The following ST6GALNAC3 variants were observed in gnomAD, a reference collection of about 807,000 sequenced individuals.
ST6GALNAC3 encodes the protein alpha-N-acetylgalactosaminide alpha-2,6-sialyltransferase 3.
In ST6GALNAC3, 25 loss-of-function variants were observed where a neutral mutation model predicts 32.7. That is an observed-to-expected ratio of 0.76 (90% CI 0.56 to 1.07). The LOEUF (loss-of-function observed/expected upper bound fraction) is 1.07. Ranked by LOEUF, ST6GALNAC3 falls within the 50% of genes least tolerant of loss-of-function variation. The probability of loss-of-function intolerance (pLI) is 0.00; values close to 1 mark genes in which losing one functional copy is unlikely to be tolerated. For missense variants in ST6GALNAC3, 355 were observed against 382.4 expected (o/e 0.93, Z 0.60); for synonymous variants, 129 against 133.1 (o/e 0.97, Z 0.21).
chr1:76,146,259 T>A (rs950155283), intron 1 of ST6GALNAC3, among the ~76,000 whole-genome samples: 1 of 152,230 alleles, frequency 6.6e-6, no homozygotes, highest in Admixed American at 6.5e-5. Context: ...CAGGATTGAT[T>A]GCAGGGGTGA....
At chr1:76,479,284 T>A (rs1659571291) in intron 3 of ST6GALNAC3, among the ~76,000 whole-genome samples, 1 of 152,142 alleles carries the variant, frequency 6.6e-6, no homozygotes, top group Non-Finnish European at 1.5e-5. Flanking sequence ...TCCTCAAACC[T>A]CACATAGCCT....
intron 2 of ST6GALNAC3, among the ~76,000 whole-genome samples, chr1:76,345,948 A>G (rs1387106661): frequency 6.6e-6 from 1 of 151,850 alleles, no homozygotes. Context: ...TCTCCCTTAC[A>G]TCCTGTGGGG....
intron 1 of ST6GALNAC3, among the ~76,000 whole-genome samples, chr1:76,108,466 C>G (rs1006284427): frequency 1.3e-5 from 2 of 152,200 alleles, no homozygotes; most frequent in Non-Finnish European, 2.9e-5. Flanking sequence ...ACATTCTAAT[C>G]TCCAAATCAA....
intron 1 of ST6GALNAC3, among the ~76,000 whole-genome samples, chr1:76,153,033 T>C (rs1377878961): frequency 6.6e-6 from 1 of 152,182 alleles, no homozygotes; most frequent in Non-Finnish European, 1.5e-5. Context: ...TATGCACGTT[T>C]TGAAGATATT....
chr1:76,322,556 T>C (rs1327980010), intron 2 of ST6GALNAC3, among the ~76,000 whole-genome samples: 2 of 152,184 alleles, frequency 1.3e-5, no homozygotes, highest in Admixed American at 1.3e-4. Context: ...AACATTCAAG[T>C]AATTTCAATT....
intron 3 of ST6GALNAC3, among the ~76,000 whole-genome samples, chr1:76,610,479 G>T (rs962812454): frequency 2.0e-5 from 3 of 152,122 alleles, no homozygotes; most frequent in African/African-American, 7.2e-5. Flanking sequence ...CCAGGCAGGA[G>T]AACCAAACTT....
chr1:76,540,011 T>C (rs964191275), intron 3 of ST6GALNAC3, among the ~76,000 whole-genome samples: 6 of 152,190 alleles, frequency 3.9e-5, no homozygotes, highest in Admixed American at 3.9e-4. Context: ...ACTGCGTATG[T>C]ATCCAAAGGA....
intron 2 of ST6GALNAC3, among the ~76,000 whole-genome samples, chr1:76,364,671 G>T (rs1382047792): frequency 6.6e-6 from 1 of 151,550 alleles, no homozygotes; most frequent in Non-Finnish European, 1.5e-5. Context: ...GCAGGCAAAA[G>T]ACATGAAAAG....
intron 2 of ST6GALNAC3, among the ~76,000 whole-genome samples, chr1:76,375,997 A>G (rs1256711065): frequency 6.6e-6 from 1 of 152,182 alleles, no homozygotes; most frequent in Admixed American, 6.5e-5. Flanking sequence ...ACATGTATGA[A>G]AATACTACAG....
chr1:76,145,987 T>A (rs1650657978), intron 1 of ST6GALNAC3, among the ~76,000 whole-genome samples: 1 of 152,236 alleles, frequency 6.6e-6, no homozygotes, highest in Non-Finnish European at 1.5e-5. Context: ...CACAAATGGC[T>A]TACTAGGTCT....
intron 2 of ST6GALNAC3, among the ~76,000 whole-genome samples, chr1:76,321,877 T>A (rs537830426): frequency 6.6e-6 from 1 of 152,302 alleles, no homozygotes; most frequent in South Asian, 2.1e-4. Context: ...TAGATGAAAA[T>A]TTCTCTATTG....
At chr1:76,546,949 C>A (rs540205754) in intron 3 of ST6GALNAC3, among the ~76,000 whole-genome samples, 1 of 152,008 alleles carries the variant, frequency 6.6e-6, no homozygotes, top group African/African-American at 2.4e-5. Flanking sequence ...AGGAAGGATG[C>A]GGATGAAAGA....
intron 1 of ST6GALNAC3, among the ~76,000 whole-genome samples, chr1:76,133,501 T>C (rs2100237972): frequency 1.3e-5 from 2 of 152,328 alleles, no homozygotes; most frequent in Admixed American, 1.3e-4. Flanking sequence ...TATGACCCAT[T>C]GGCCCAAGTC....
At chr1:76,376,653 T>C (rs1387757837) in intron 2 of ST6GALNAC3, among the ~76,000 whole-genome samples, 1 of 152,248 alleles carries the variant, frequency 6.6e-6, no homozygotes, top group African/African-American at 2.4e-5. Flanking sequence ...GAAGGGCATG[T>C]TGTTGGATTG....
intron 1 of ST6GALNAC3, among the ~76,000 whole-genome samples, chr1:76,193,732 C>G (rs955901754): frequency 2.0e-5 from 3 of 152,172 alleles, no homozygotes; most frequent in African/African-American, 7.2e-5. Context: ...ATACCATAGA[C>G]TAGGTGGCTT....
intron 1 of ST6GALNAC3, among the ~76,000 whole-genome samples, chr1:76,090,029 C>T (rs1200702821): frequency 2.0e-5 from 3 of 152,138 alleles, no homozygotes; most frequent in African/African-American, 7.2e-5. Flanking sequence ...TATTTATATA[C>T]ACCTAGAAGT....
chr1:76,170,964 A>G (rs1416230808), intron 1 of ST6GALNAC3, among the ~76,000 whole-genome samples: 2 of 152,222 alleles, frequency 1.3e-5, no homozygotes, highest in African/African-American at 4.8e-5. Context: ...AGTATTTCTT[A>G]CAGTAGAGGA....
chr1:76,219,589 C>T (rs926594123), intron 1 of ST6GALNAC3, among the ~76,000 whole-genome samples: 1 of 152,216 alleles, frequency 6.6e-6, no homozygotes, highest in African/African-American at 2.4e-5. Flanking sequence ...AGAACCATCA[C>T]ATGGCGATTT....
At chr1:76,599,654 G>A (rs1030595368) in intron 3 of ST6GALNAC3, among the ~76,000 whole-genome samples, 1 of 151,514 alleles carries the variant, frequency 6.6e-6, no homozygotes, top group African/African-American at 2.4e-5. Context: ...GAAATACCTG[G>A]AATATCCAAG....
Sources: allele counts gnomAD v4.1 joint callset (sites outside exome capture counted in the v4.1 genomes callset), GRCh38; gene constraint gnomAD v4.1.1; transcripts MANE v1.5; gene names NCBI Gene and HGNC (gene_info 2026-07-23, HGNC 2026-07-21).